MARS1: variants seen among roughly 807,000 people sequenced by gnomAD.
The protein encoded by MARS1 is methionyl-tRNA synthetase 1.
MARS1 carries 80 observed loss-of-function variants against 119.5 expected under a neutral mutation model. The observed-to-expected ratio is 0.67, with a 90% CI of 0.56 to 0.81. The LOEUF (loss-of-function observed/expected upper bound fraction) is 0.81, where lower values mean the gene tolerates loss of function less well. Among genes scored for constraint, MARS1 ranks in the 30% least tolerant of loss-of-function variants. The pLI, the probability that MARS1 is intolerant of heterozygous loss-of-function variation, is 0.00. For synonymous variants in MARS1, 418 were observed against 433.4 expected, an observed-to-expected ratio of 0.96 and a Z score of 0.44; for missense variants, 945 against 1,116.5, an observed-to-expected ratio of 0.85 and a Z score of 2.19.
At chr12:57,512,153 G>A (rs760721947) in intron 13 of MARS1, 50 bp downstream of exon 13, 2 of 1,602,612 alleles carry the variant, frequency 1.2e-6, no homozygotes, top group Admixed American at 1.7e-5. Flanking sequence ...GCGGTAGGGT[G>A]TGGGTGTTAG....
intron 11 of MARS1, among the ~76,000 whole-genome samples, chr12:57,508,630 C>G (rs374033584): frequency 2.4e-3 from 369 of 152,082 alleles, no homozygotes; most frequent in South Asian, 0.011. Flanking sequence ...AGCTTCGGCT[C>G]GGCATCAGAG....
chr12:57,504,671 C>T (rs1225544619), intron 11 of MARS1, among the ~76,000 whole-genome samples: 1 of 150,926 alleles, frequency 6.6e-6, no homozygotes, highest in East Asian at 1.9e-4. Flanking sequence ...CTCACCTCAG[C>T]CTCCCAAGTA....
intron 11 of MARS1, among the ~76,000 whole-genome samples, chr12:57,506,649 C>A (rs1260481844): frequency 1.3e-5 from 2 of 152,092 alleles, no homozygotes; most frequent in Non-Finnish European, 2.9e-5. Flanking sequence ...TTCCCCATTG[C>A]AACTTATGAG....
At chr12:57,506,428 C>A (rs1189906747) in intron 11 of MARS1, among the ~76,000 whole-genome samples, 1 of 152,088 alleles carries the variant, frequency 6.6e-6, no homozygotes, top group African/African-American at 2.4e-5. Context: ...GACCCTGTCT[C>A]AAAAATAAAT....
intron 14 of MARS1, 66 bp downstream of exon 14, chr12:57,512,419 A>G (rs909184561): frequency 8.7e-7 from 1 of 1,153,804 alleles, no homozygotes; most frequent in African/African-American, 1.5e-5. Context: ...AGTACTTGGA[A>G]AAAGATCTTG....
intron 19 of MARS1, 110 bp from the exon 20 acceptor site, chr12:57,516,135 C>G (rs1397036608): frequency 1.5e-6 from 2 of 1,356,842 alleles, no homozygotes; most frequent in South Asian, 1.2e-5. Context: ...CCTGTCTTAA[C>G]TAGAAGAGAC....
Position 57,498,520 on chromosome 12 carries a change from C to T in MARS1, c.988C>T (p.Gln330Ter). 2.5e-6 allele frequency: 4 copies of T among 1,614,214 alleles called. No homozygotes were observed. Among genetic ancestry groups the T allele is most frequent in the Non-Finnish European group, 3.4e-6 (4 of 1,180,040 alleles). Residue 330 changes from glutamine (Q) to a stop codon, truncating the protein, a stop_gained, in exon 9 of 21, where the codon CAG becomes TAG. Coordinates refer to ENST00000262027, the MANE Select transcript of MARS1 (RefSeq NM_004990.4). LOFTEE classifies it high-confidence loss of function. ...TKALEEGLTP[Q>*]EICDKYHIIH... The stretch of plus-strand genomic sequence containing the variant: ...GGCTCTGGAGGAGGGACTAACCCCC[C>T]AGGAGATCTGCGACAAGTACCACAT...
At chr12:57,490,855 C>T (rs1875906084) in intron 7 of MARS1, among the ~76,000 whole-genome samples, 1 of 147,508 alleles carries the variant, frequency 6.8e-6, no homozygotes, top group Admixed American at 6.8e-5. Context: ...CCATCTGCAC[C>T]CATGTTTTTC....
intron 11 of MARS1, among the ~76,000 whole-genome samples, chr12:57,507,636 G>A (rs1392298505): frequency 1.5e-5 from 2 of 133,066 alleles, no homozygotes; most frequent in Non-Finnish European, 3.4e-5. Context: ...CCTCCCGGAC[G>A]GGGCGGCTGG....
chr12:57,503,521 C>T (rs916293210), intron 10 of MARS1, among the ~76,000 whole-genome samples: 10 of 151,528 alleles, frequency 6.6e-5, no homozygotes, highest in African/African-American at 1.5e-4. Flanking sequence ...GCGTGAGCCA[C>T]GGTGCTCAGC....
At chr12:57,511,243 G>T (rs928884794) in intron 11 of MARS1, among the ~76,000 whole-genome samples, 1 of 152,158 alleles carries the variant, frequency 6.6e-6, no homozygotes, top group South Asian at 2.1e-4. Context: ...AGCCTTCGGA[G>T]TAGCTGGGAT....
intron 18 of MARS1, chr12:57,515,617 G>A (rs1216746612): frequency 3.6e-6 from 2 of 562,430 alleles, no homozygotes; most frequent in East Asian, 3.0e-5. Flanking sequence ...AGCAGATAGT[G>A]GGCAGGGAAA....
At chr12:57,494,924 A>G (rs1176448512) in intron 7 of MARS1, among the ~76,000 whole-genome samples, 1 of 152,190 alleles carries the variant, frequency 6.6e-6, no homozygotes, top group Non-Finnish European at 1.5e-5. Context: ...CAGACACAGT[A>G]ACAATCTGAT....
intron 7 of MARS1, among the ~76,000 whole-genome samples, chr12:57,497,358 G>C (rs1219400058): frequency 6.6e-6 from 1 of 152,170 alleles, no homozygotes; most frequent in Non-Finnish European, 1.5e-5. Flanking sequence ...CTGGGAAGAA[G>C]GGTTGAGGTT....
Position 57,514,714 on chromosome 12 carries a change from A to G in MARS1, c.1968-6A>G. On this transcript the variant is annotated splice_region_variant and splice_polypyrimidine_tract_variant and intron_variant, in intron 15 of 20. Coordinates refer to ENST00000262027, the MANE Select transcript of MARS1 (RefSeq NM_004990.4). ...TTCCACTTCTGCTTTCCTACTCCCA[A>G]CCAAGAGCTGGGATGTTTGTGTCTA... 1.2e-6 allele frequency: 2 copies of G among 1,614,048 alleles called. No homozygotes were observed. Among genetic ancestry groups the G allele is most frequent in the Non-Finnish European group, 1.7e-6 (2 of 1,179,996 alleles).
At chr12:57,515,783 A>G in intron 18 of MARS1, 137 bp from the exon 19 acceptor site, 1 of 698,632 alleles carries the variant, frequency 1.4e-6, no homozygotes, top group Non-Finnish European at 2.5e-6. Context: ...ATTTCCTAAA[A>G]TCAGCAGATA....
At position 57,512,232 on chromosome 12, in the gene MARS1, CTAGGTGGACCTG is replaced by C; in HGVS notation, c.1636-1_1646del. 1 of 1,612,556 alleles carries C rather than the reference CTAGGTGGACCTG, an allele frequency of 6.2e-7. No homozygotes were observed. The highest frequency in any genetic ancestry group is 8.5e-7 in the Non-Finnish European group (1 of 1,178,604). Reference sequence around the variant, plus strand: ...GGAAATCTCTCCTAACCACATTCCCCTAGGTGGACCTGTATCAGTTCATGGCCAAAGACAATG... The same window carrying C: ...GGAAATCTCTCCTAACCACATTCCCCTATCAGTTCATGGCCAAAGACAATG... On this transcript the variant is annotated splice_acceptor_variant and splice_polypyrimidine_tract_variant and coding_sequence_variant and intron_variant, in exon 14 of 21. Coordinates refer to ENST00000262027, the MANE Select transcript of MARS1 (RefSeq NM_004990.4). LOFTEE classifies it high-confidence loss of function.
chr12:57,493,441 CATAATATATAATATATTATAATAT>C (rs1876149604), intron 7 of MARS1, among the ~76,000 whole-genome samples: 6 of 686 alleles, frequency 8.7e-3, no homozygotes. Flanking sequence ...TAATATATTA[CATAATATATAATATATTATAATAT>C]ATAATATATA....
At position 57,512,267 on chromosome 12, in the gene MARS1, A is replaced by G; in HGVS notation, c.1667A>G (p.Asn556Ser). The change falls in exon 14 of 21, where the codon AAT (asparagine) becomes AGT (serine). Residue 556 changes from asparagine to serine, a missense_variant. By Grantham distance (46) the Asn-to-Ser change is conservative (BLOSUM62 1). Transcript: ENST00000262027. The stretch of plus-strand genomic sequence containing the variant: ...CTGTATCAGTTCATGGCCAAAGACA[A>G]TGTTCCTTTCCATAGCTTAGTCTTT... ...VDLYQFMAKD[N>S]VPFHSLVFPC... 1 of 1,614,136 alleles carries G rather than the reference A, an allele frequency of 6.2e-7. No homozygotes were observed. Among genetic ancestry groups the G allele is most frequent in the Non-Finnish European group, 8.5e-7 (1 of 1,180,008 alleles).
Sources: gnomAD v4.1 joint callset for allele counts (sites outside exome capture counted in the v4.1 genomes callset) on GRCh38, gnomAD v4.1.1 for gene constraint, MANE v1.5 for transcripts, NCBI Gene and HGNC (gene_info 2026-07-23, HGNC 2026-07-21) for gene names.